The following NRG1 variants were observed in gnomAD, a reference collection of about 807,000 sequenced individuals.
NRG1 encodes the protein pro-neuregulin-1, membrane-bound isoform.
In NRG1, 18 loss-of-function variants were observed where a neutral mutation model predicts 63.8. The observed-to-expected ratio is 0.28, with a 90% CI of 0.19 to 0.42. NRG1 has a LOEUF of 0.42. Ranked by LOEUF, NRG1 falls within the 10% of genes least tolerant of loss-of-function variation. The probability of loss-of-function intolerance (pLI) is 1.00; values close to 1 mark genes in which losing one functional copy is unlikely to be tolerated. For synonymous variants in NRG1, 302 were observed against 301.3 expected, an observed-to-expected ratio of 1.00 and a Z score of -0.02; for missense variants, 762 against 814.7, an observed-to-expected ratio of 0.94 and a Z score of 0.79.
intron 1 of NRG1, among the ~76,000 whole-genome samples, chr8:32,414,136 A>T (rs1222935031): frequency 6.6e-6 from 1 of 152,070 alleles, no homozygotes; most frequent in African/African-American, 2.4e-5. Flanking sequence ...GTCTTAGAAG[A>T]TTTCTGGTCA....
intron 7 of NRG1, among the ~76,000 whole-genome samples, chr8:32,748,069 C>T (rs1372630626): frequency 6.6e-6 from 1 of 151,992 alleles, no homozygotes; most frequent in Non-Finnish European, 1.5e-5. Context: ...GGACCCAAAA[C>T]CAAGATGATT....
At chr8:31,996,699 G>A (rs1646226475) in intron 1 of NRG1, among the ~76,000 whole-genome samples, 1 of 151,944 alleles carries the variant, frequency 6.6e-6, no homozygotes, top group Non-Finnish European at 1.5e-5. Flanking sequence ...GAAAGACAGA[G>A]AAAGACCCTG....
chr8:32,420,259 T>A (rs1816531256), intron 1 of NRG1, among the ~76,000 whole-genome samples: 1 of 152,162 alleles, frequency 6.6e-6, no homozygotes, highest in African/African-American at 2.4e-5. Context: ...TCCACTTCCC[T>A]TGGGGGTTGT....
rs570629976 is a variant in NRG1 at position 31,801,099 on chromosome 8, G to A, written c.37+161668G>A. Among the ~76,000 whole-genome samples, 6 of 151,680 alleles carry A rather than the reference G, an allele frequency of 4.0e-5. No homozygotes were observed. The South Asian group carries it at 1.3e-3, about 32-fold the overall frequency. ...CCTGACCTCGTGATCCACCTGCCTC[G>A]GCCTCCCAAAGTGCTGGGGTTACAA... On this transcript the variant is annotated intron_variant, in intron 1 of 10. Transcript: ENST00000519301.
intron 1 of NRG1, among the ~76,000 whole-genome samples, chr8:32,435,630 A>C (rs1412174312): frequency 6.6e-6 from 1 of 152,204 alleles, no homozygotes; most frequent in Non-Finnish European, 1.5e-5. Context: ...ATAATCCACA[A>C]ACGTCAGTGT....
chr8:32,240,929 A>G (rs1848036373), intron 1 of NRG1, among the ~76,000 whole-genome samples: 1 of 152,058 alleles, frequency 6.6e-6, no homozygotes, highest in East Asian at 1.9e-4. Context: ...AAATGTTGCA[A>G]GAGAAGGAGA....
chr8:32,372,634 A>G (rs1809059349), intron 1 of NRG1, among the ~76,000 whole-genome samples: 1 of 152,162 alleles, frequency 6.6e-6, no homozygotes. Flanking sequence ...AAAGTTTTAA[A>G]AAATTGAATG....
chr8:32,023,930 TA>T (rs1330653754), intron 1 of NRG1, among the ~76,000 whole-genome samples: 7 of 152,166 alleles, frequency 4.6e-5, no homozygotes, highest in Non-Finnish European at 1.0e-4. Context: ...TGCATTGGAA[TA>T]CCGCTGGGTT....
At chr8:32,548,908 T>TCCC in intron 1 of NRG1, 82 bp downstream of exon 1, 1 of 1,441,930 alleles carries the variant, frequency 6.9e-7, no homozygotes, top group Non-Finnish European at 9.2e-7. Context: ...CCGTGGCCTC[T>TCCC]CCCTCCCCCT....
At chr8:32,404,741 C>T (rs892355542) in intron 1 of NRG1, among the ~76,000 whole-genome samples, 2 of 151,964 alleles carry the variant, frequency 1.3e-5, no homozygotes, top group Non-Finnish European at 2.9e-5. Context: ...TGCACCACCA[C>T]ACCCAGCTAA....
chr8:32,311,296 C>T (rs1032149394), intron 1 of NRG1, among the ~76,000 whole-genome samples: 3 of 152,156 alleles, frequency 2.0e-5, no homozygotes, highest in Non-Finnish European at 4.4e-5. Flanking sequence ...AATCAATAAG[C>T]TAACACGTTA....
chr8:31,783,069 T>G (rs1348918009), intron 1 of NRG1, among the ~76,000 whole-genome samples: 1 of 152,178 alleles, frequency 6.6e-6, no homozygotes, highest in Non-Finnish European at 1.5e-5. Context: ...CTATGCATGG[T>G]TGTTCTGTAT....
intron 1 of NRG1, among the ~76,000 whole-genome samples, chr8:31,680,265 A>C (rs1808184195): frequency 1.3e-5 from 2 of 150,114 alleles, no homozygotes; most frequent in Admixed American, 6.6e-5. Flanking sequence ...AGCATTAGGT[A>C]TATCTCCCAA....
At chr8:32,490,668 C>A (rs1322577460) in intron 1 of NRG1, among the ~76,000 whole-genome samples, 1 of 152,166 alleles carries the variant, frequency 6.6e-6, no homozygotes, top group Non-Finnish European at 1.5e-5. Flanking sequence ...AAGCCCCAAA[C>A]AACTGCCAGA....
intron 1 of NRG1, among the ~76,000 whole-genome samples, chr8:32,244,977 G>A (rs1979565): frequency 0.68 from 102,597 of 151,992 alleles, 35,087 homozygotes; most frequent in Admixed American, 0.76. Context: ...ACACAGTACC[G>A]TTCGTTGAGT....
At chr8:32,177,608 T>C (rs1217019572) in intron 1 of NRG1, among the ~76,000 whole-genome samples, 1 of 152,026 alleles carries the variant, frequency 6.6e-6, no homozygotes, top group African/African-American at 2.4e-5. Context: ...GTGTTCTCAT[T>C]GTTCAACTCC....
At chr8:31,949,734 G>A (rs1803174353) in intron 1 of NRG1, among the ~76,000 whole-genome samples, 1 of 152,096 alleles carries the variant, frequency 6.6e-6, no homozygotes, top group Non-Finnish European at 1.5e-5. Context: ...AAACATTGTT[G>A]GTACCACGTA....
At chr8:31,850,781 T>G (rs1827133767) in intron 1 of NRG1, among the ~76,000 whole-genome samples, 1 of 152,226 alleles carries the variant, frequency 6.6e-6, no homozygotes, top group South Asian at 2.1e-4. Flanking sequence ...AAAGTGAGTC[T>G]GCACTCTCTC....
chr8:31,915,182 A>G (rs1833278994), intron 1 of NRG1, among the ~76,000 whole-genome samples: 2 of 152,024 alleles, frequency 1.3e-5, no homozygotes, highest in South Asian at 4.1e-4. Flanking sequence ...CTGGTGATTC[A>G]AAAACTCTGT....
Sources: allele counts gnomAD v4.1 joint callset (sites outside exome capture counted in the v4.1 genomes callset), GRCh38; gene constraint gnomAD v4.1.1; transcripts MANE v1.5; gene names NCBI Gene and HGNC (gene_info 2026-07-23, HGNC 2026-07-21).